The following MAN1A1 variants were observed in gnomAD, a reference collection of about 807,000 sequenced individuals.
The protein encoded by MAN1A1 is mannosyl-oligosaccharide 1,2-alpha-mannosidase IA.
In MAN1A1, 29 loss-of-function variants were observed where a neutral mutation model predicts 70.8. The observed-to-expected ratio is 0.41, with a 90% confidence interval of 0.31 to 0.56. MAN1A1 has a LOEUF of 0.56. MAN1A1 is among the 20% of genes least tolerant of loss of function. The probability of loss-of-function intolerance (pLI) is 0.29; values close to 1 mark genes in which losing one functional copy is unlikely to be tolerated. For missense variants in MAN1A1, 747 were observed against 841.3 expected, an observed-to-expected ratio of 0.89 and a Z score of 1.39; for synonymous variants, 349 against 330.1, an observed-to-expected ratio of 1.06 and a Z score of -0.62.
chr6:119,271,658 CCT>C (rs66524742), intron 5 of MAN1A1, among the ~76,000 whole-genome samples: 6,272 of 152,082 alleles, frequency 0.041, 145 homozygotes, highest in African/African-American at 0.054. Flanking sequence ...CACCACTACA[CCT>C]AGCTATTTTT....
intron 3 of MAN1A1, among the ~76,000 whole-genome samples, chr6:119,303,675 C>T (rs890946348): frequency 5.9e-5 from 9 of 152,130 alleles, no homozygotes; most frequent in African/African-American, 2.2e-4. Context: ...GGAGACCCAG[C>T]TGCAAAACTT....
At chr6:119,240,723 C>A (rs549270088) in intron 6 of MAN1A1, among the ~76,000 whole-genome samples, 1 of 152,128 alleles carries the variant, frequency 6.6e-6, no homozygotes, top group Non-Finnish European at 1.5e-5. Context: ...CTTCCTTGTC[C>A]GTAATGTCTC....
At chr6:119,297,464 T>G (rs1772246270) in intron 4 of MAN1A1, among the ~76,000 whole-genome samples, 1 of 152,166 alleles carries the variant, frequency 6.6e-6, no homozygotes, top group Non-Finnish European at 1.5e-5. Flanking sequence ...AGGACTCAAA[T>G]TCTCTGACTG....
At chr6:119,186,433 A>G (rs1201434791) in intron 11 of MAN1A1, among the ~76,000 whole-genome samples, 1 of 152,144 alleles carries the variant, frequency 6.6e-6, no homozygotes, top group African/African-American at 2.4e-5. Flanking sequence ...CAAAACAGGG[A>G]CAGAAGAGCC....
At chr6:119,197,231 C>G (rs1310443757) in intron 8 of MAN1A1, among the ~76,000 whole-genome samples, 1 of 151,550 alleles carries the variant, frequency 6.6e-6, no homozygotes, top group Non-Finnish European at 1.5e-5. Context: ...ATCGCTTGAA[C>G]CTGGCAGGTG....
At chr6:119,242,134 G>C (rs72960639) in intron 6 of MAN1A1, among the ~76,000 whole-genome samples, 2,462 of 150,590 alleles carry the variant, frequency 0.016, 59 homozygotes, top group African/African-American at 0.057. Flanking sequence ...CAGACAGACA[G>C]ACACACACAC....
At chr6:119,213,554 C>T (rs1774109149) in intron 6 of MAN1A1, among the ~76,000 whole-genome samples, 1 of 152,144 alleles carries the variant, frequency 6.6e-6, no homozygotes, top group South Asian at 2.1e-4. Flanking sequence ...TCCTTAGAAA[C>T]ACCTTTATAT....
intron 6 of MAN1A1, among the ~76,000 whole-genome samples, chr6:119,247,256 C>T (rs923347132): frequency 7.2e-5 from 11 of 152,114 alleles, no homozygotes; most frequent in Non-Finnish European, 4.4e-5. Flanking sequence ...ACATATGCAT[C>T]GATGTGCGTA....
At chr6:119,197,398 G>A (rs1017101403) in intron 8 of MAN1A1, among the ~76,000 whole-genome samples, 3 of 152,082 alleles carry the variant, frequency 2.0e-5, no homozygotes, top group African/African-American at 7.2e-5. Context: ...ACACCTACTA[G>A]GTGCAAGACA....
Position 119,179,542 on chromosome 6 carries a change from A to C in MAN1A1, c.*277T>G, listed in dbSNP as rs987565614. 1 of 228,568 alleles carries C rather than the reference A, an allele frequency of 4.4e-6. No individual in the cohort carries two copies. The highest frequency in any genetic ancestry group is 2.2e-5 in the African/African-American group (1 of 44,992). 14.2% of individuals were successfully genotyped at this position (228,568 alleles called of 1,614,324 possible). On this transcript the variant is annotated 3_prime_UTR_variant, in exon 13 of 13. Transcript: ENST00000368468. Reference sequence around the variant, plus strand: ...CTATACAATTCTATTCAGTTTAACAAAAACGATATTACACCTTCATGAAAT... The same window carrying C: ...CTATACAATTCTATTCAGTTTAACACAAACGATATTACACCTTCATGAAAT...
rs1422081485 is a variant in MAN1A1, at chr6:119,306,981, A to G, written c.615T>C (p.His205=). Residue 205 remains histidine, a synonymous_variant, in exon 3 of 13, where the codon CAT becomes CAC. Coordinates refer to ENST00000368468, the MANE Select transcript of MAN1A1 (RefSeq NM_005907.4). ...CATAACCTTTATAATTATTCCAAGC[A>G]TGTTTCATCATCTGAAAAAAAAAAT... ...KRAKIKEMMK[H]AWNNYKGYAW... is the part of the protein sequence containing the mutation. 2.2e-5 allele frequency: 34 copies of G among 1,573,762 alleles called. No individual in the cohort carries two copies. Among genetic ancestry groups the G allele is most frequent in the Non-Finnish European group, 3.0e-5 (34 of 1,145,572 alleles).
chr6:119,233,135 T>C (rs563124570), intron 6 of MAN1A1, among the ~76,000 whole-genome samples: 7 of 152,214 alleles, frequency 4.6e-5, no homozygotes, highest in Non-Finnish European at 8.8e-5. Context: ...GCACCAAATA[T>C]GTTGTTCATT....
rs1774029354 is a variant in MAN1A1 at position 119,210,823 on chromosome 6, A to C, written c.993-5941T>G. ...GGAAGGACTTGGGAATGTGTATTAGAGACATAAACATCCACTACTTACAGA... is the reference window on the plus strand; with the variant it reads ...GGAAGGACTTGGGAATGTGTATTAGCGACATAAACATCCACTACTTACAGA... On this transcript the variant is annotated intron_variant, in intron 6 of 12. Coordinates refer to ENST00000368468, the MANE Select transcript of MAN1A1 (RefSeq NM_005907.4). The C allele has an allele frequency of 6.9e-6, 3 of 436,004 alleles. No homozygotes were observed. The Admixed American group carries it at 7.7e-5, about 11-fold the overall frequency. The allele number at this position is 436,004 out of a possible 1,614,324, so 27.0% of individuals were successfully genotyped here.
chr6:119,311,123 G>A (rs1322957388), intron 2 of MAN1A1, among the ~76,000 whole-genome samples: 1 of 152,144 alleles, frequency 6.6e-6, no homozygotes, highest in African/African-American at 2.4e-5. Flanking sequence ...CACTGGTTGT[G>A]GTGATGATTA....
intron 6 of MAN1A1, among the ~76,000 whole-genome samples, chr6:119,220,881 A>G (rs1489216467): frequency 2.0e-5 from 3 of 152,202 alleles, no homozygotes; most frequent in Admixed American, 2.0e-4. Context: ...ATCTATATTT[A>G]TTTGAAACAA....
intron 4 of MAN1A1, among the ~76,000 whole-genome samples, chr6:119,292,786 T>G (rs559121481): frequency 9.2e-5 from 14 of 152,152 alleles, no homozygotes; most frequent in African/African-American, 3.4e-4. Context: ...ATAATCTGAT[T>G]AAAAGTACTA....
intron 6 of MAN1A1, among the ~76,000 whole-genome samples, chr6:119,225,276 C>A (rs1016469953): frequency 6.6e-6 from 1 of 152,098 alleles, no homozygotes; most frequent in Non-Finnish European, 1.5e-5. Context: ...GTGGCTCACA[C>A]CTGTAGTCTC....
intron 6 of MAN1A1, among the ~76,000 whole-genome samples, chr6:119,215,056 G>T (rs943888703): frequency 6.6e-6 from 1 of 151,784 alleles, no homozygotes; most frequent in African/African-American, 2.4e-5. Context: ...TTGTGGGGTG[G>T]GGGGAAGGGG....
At chr6:119,229,803 T>C (rs1774626731) in intron 6 of MAN1A1, among the ~76,000 whole-genome samples, 1 of 152,064 alleles carries the variant, frequency 6.6e-6, no homozygotes, top group Admixed American at 6.5e-5. Flanking sequence ...CGTTCTGACT[T>C]CAGTTTTTTG....
Sources: gnomAD v4.1 joint callset for allele counts (sites outside exome capture counted in the v4.1 genomes callset) on GRCh38, gnomAD v4.1.1 for gene constraint, MANE v1.5 for transcripts, NCBI Gene and HGNC (gene_info 2026-07-23, HGNC 2026-07-21) for gene names.